CELF5: variants seen among roughly 807,000 people sequenced by gnomAD.
The protein encoded by CELF5 is CUGBP Elav-like family member 5.
Under a neutral mutation model 54.9 loss-of-function variants are expected in CELF5, and 6 were observed. The observed-to-expected ratio is 0.11, with a 90% CI of 0.06 to 0.22. The LOEUF is 0.22. CELF5 is among the 10% of genes least tolerant of loss of function. CELF5 has a pLI of 1.00. For missense variants in CELF5, 401 were observed against 678.6 expected (o/e 0.59, Z 4.54); for synonymous variants, 271 against 290.9 (o/e 0.93, Z 0.70).
chr19:3,252,225 G>A (rs960573845), intron 2 of CELF5, among the ~76,000 whole-genome samples: 3 of 151,886 alleles, frequency 2.0e-5, no homozygotes, highest in East Asian at 3.9e-4. Flanking sequence ...TTGTAGAGAC[G>A]GGGTCTCATT....
intron 12 of CELF5, chr19:3,295,131 GC>G (rs1356786924): frequency 6.6e-6 from 1 of 152,508 alleles, no homozygotes; most frequent in African/African-American, 2.4e-5. Flanking sequence ...TTGGACACCA[GC>G]CCTTTCCTCC....
Position 3,260,068 on chromosome 19 carries a change from A to G in CELF5, c.342+9001A>G, listed in dbSNP as rs769499271. On this transcript the variant is annotated intron_variant, in intron 2 of 12. Transcript: ENST00000292672. The stretch of plus-strand genomic sequence containing the variant: ...TAATAATATATTTCATTTGAACCCA[A>G]TATATCCCAATTCTTACCATTTTAA... Among the ~76,000 whole-genome samples, 64 of 152,158 alleles carry G rather than the reference A, an allele frequency of 4.2e-4. 1 individual carries two copies. Among genetic ancestry groups the G allele is most frequent in the Non-Finnish European group, 5.9e-5 (4 of 68,034 alleles).
At chr19:3,279,659 T>C (rs1267044389) in intron 5 of CELF5, among the ~76,000 whole-genome samples, 2 of 148,984 alleles carry the variant, frequency 1.3e-5, no homozygotes, top group African/African-American at 5.0e-5. Flanking sequence ...GGGTGTGGGC[T>C]GGTTTGTGAG....
intron 2 of CELF5, among the ~76,000 whole-genome samples, chr19:3,258,602 T>C (rs1200573127): frequency 2.0e-5 from 3 of 152,068 alleles, no homozygotes; most frequent in Non-Finnish European, 4.4e-5. Context: ...GATATATATA[T>C]ATACATATTT....
chr19:3,250,677 C>T (rs1050094509), intron 1 of CELF5, among the ~76,000 whole-genome samples: 3 of 152,096 alleles, frequency 2.0e-5, no homozygotes, highest in Non-Finnish European at 4.4e-5. Context: ...TACTTTCTGT[C>T]TGTGTGAATC....
chr19:3,267,979 T>G (rs1319231345), intron 2 of CELF5, among the ~76,000 whole-genome samples: 1 of 152,072 alleles, frequency 6.6e-6, no homozygotes, highest in Non-Finnish European at 1.5e-5. Context: ...AATGGGGCCC[T>G]AGAAGTAGAT....
rs1450903809 is a variant in CELF5 at position 3,285,949 on chromosome 19, C to T, written c.1110C>T (p.Tyr370=). 17 of 1,586,674 alleles carry T rather than the reference C, an allele frequency of 1.1e-5. No homozygotes were observed. Among genetic ancestry groups the T allele is most frequent in the African/African-American group, 2.8e-5 (2 of 72,364 alleles). ...TCGCTCCGGTCTCCGCAGCCATGTA[C>T]CCCACCGCGGCCATCACGCCCATCG... ...FSGVQQYTAM[Y]PTAAITPIAH... Residue 370 remains tyrosine (Y), a synonymous_variant, in exon 10 of 13, where the codon TAC becomes TAT. Transcript: ENST00000292672.
chr19:3,225,581 C>T, intron 1 of CELF5: 1 of 983,128 alleles, frequency 1.0e-6, no homozygotes, highest in South Asian at 4.7e-5. Context: ...CAGGTCCGGC[C>T]GCGGGGGACA....
intron 5 of CELF5, among the ~76,000 whole-genome samples, chr19:3,280,854 C>T (rs1455527571): frequency 2.0e-5 from 3 of 152,160 alleles, no homozygotes; most frequent in Non-Finnish European, 4.4e-5. Flanking sequence ...CTCAGGTGAG[C>T]GGAAGTCATA....
At chr19:3,249,954 A>T (rs2079625068) in intron 1 of CELF5, among the ~76,000 whole-genome samples, 1 of 151,622 alleles carries the variant, frequency 6.6e-6, no homozygotes, top group African/African-American at 2.4e-5. Context: ...CAGGGCTCTC[A>T]GCATCTCTTT....
At position 3,273,876 on chromosome 19, in the gene CELF5, C is replaced by T. The variant is rs779765913; in HGVS notation, c.347C>T (p.Ala116Val). 2 of 1,613,386 alleles carry T rather than the reference C, an allele frequency of 1.2e-6. No homozygotes were observed. Among genetic ancestry groups the T allele is most frequent in the Non-Finnish European group, 1.7e-6 (2 of 1,179,392 alleles). The change falls in exon 3 of 13, where the codon GCG becomes GTG. Residue 116 changes from alanine (A) to valine (V), a missense_variant. By Grantham distance (64) the Ala-to-Val change is moderately conservative. Transcript: ENST00000292672. ...LHEQKTLPGMARPIQVKPADS... is the reference protein window; with the variant it reads ...LHEQKTLPGMVRPIQVKPADS... ...CCCTTCCCCCTCTCTCTGCAGATGG[C>T]GCGGCCAATCCAGGTGAAGCCTGCG... is the stretch of plus-strand genomic sequence containing the variant.
At chr19:3,241,097 C>G (rs2079484561) in intron 1 of CELF5, among the ~76,000 whole-genome samples, 1 of 148,762 alleles carries the variant, frequency 6.7e-6, no homozygotes, top group African/African-American at 2.5e-5. Flanking sequence ...GAGTCTTGCT[C>G]TGTCACCAGG....
rs149838359 is a variant in CELF5, at chr19:3,236,346, G to C, written c.259+11348G>C. On this transcript the variant is annotated intron_variant, in intron 1 of 12. Transcript: ENST00000292672. ...CCTGTGTCCTTTTCAGTGCATGTGT[G>C]GCCTCGTGGTTCCCATTTGGTGGAT... 2.2e-3 allele frequency among the ~76,000 whole-genome samples: 336 copies of C among 152,260 alleles called. 1 individual carries two copies. The highest frequency in any genetic ancestry group is 6.7e-3 in the African/African-American group (279 of 41,532).
rs2080032182 is a variant in CELF5 at position 3,275,459 on chromosome 19, C to T, written c.395-397C>T. 6.6e-6 allele frequency among the ~76,000 whole-genome samples: 1 copy of T among 152,246 alleles called. No homozygotes were observed. Among genetic ancestry groups the T allele is most frequent in the Non-Finnish European group, 1.5e-5 (1 of 68,038 alleles). Reference sequence around the variant, plus strand: ...GGGAGCAGACAGAAAGACAGACAGACAGACAGACAGGGACCCAGGCCCGGC... The same window carrying T: ...GGGAGCAGACAGAAAGACAGACAGATAGACAGACAGGGACCCAGGCCCGGC... On this transcript the variant is annotated intron_variant, in intron 3 of 12. Coordinates refer to ENST00000292672, the MANE Select transcript of CELF5 (RefSeq NM_021938.4). The surrounding 1 kb of genome is among the most constrained non-coding windows in gnomAD (Gnocchi z 6.7).
At position 3,245,372 on chromosome 19, in the gene CELF5, G is replaced by A. The variant is rs371043990; in HGVS notation, c.260-5613G>A. On this transcript the variant is annotated intron_variant, in intron 1 of 12. Coordinates refer to ENST00000292672, the MANE Select transcript of CELF5 (RefSeq NM_021938.4). ...TGTGCATGCATCTGTGTGTGTGTGC[G>A]TGTGTGTGTATGCATCTGTGTGTGT... Among the ~76,000 whole-genome samples, 105 of 141,750 alleles carry A rather than the reference G, an allele frequency of 7.4e-4. 1 individual carries two copies. The East Asian group carries it at 0.012, about 16-fold the overall frequency. The allele number at this position is 141,750 out of a possible 152,430, so 93.0% of individuals were successfully genotyped here.
rs1395946528 is a variant in CELF5, at chr19:3,224,837, G to C, written c.98G>C (p.Gly33Ala). 6.3e-7 allele frequency: 1 copy of C among 1,591,158 alleles called. No homozygotes were observed. The highest frequency in any genetic ancestry group is 8.5e-7 in the Non-Finnish European group (1 of 1,170,238). ...GGCAGCAGCGGGCCCGAGCCCCCCG[G>C]GGGGCAGCCCGACGGCATGAAGGAC... ...PVGSSGPEPP[G>A]GQPDGMKDLD... Residue 33 changes from glycine to alanine, a missense_variant, in exon 1 of 13, where the codon GGG (glycine) becomes GCG (alanine). Gly to Ala is a moderately conservative substitution (Grantham distance 60, BLOSUM62 0). This residue lies in a region of CELF5 where 46 missense variants were observed against 55.0 expected (regional missense o/e 0.84). Transcript: ENST00000292672.
At chr19:3,229,211 G>A (rs1331215029) in intron 1 of CELF5, among the ~76,000 whole-genome samples, 1 of 151,814 alleles carries the variant, frequency 6.6e-6, no homozygotes, top group African/African-American at 2.4e-5. Context: ...GATGGAGTGG[G>A]CTAGATGTTA....
intron 9 of CELF5, among the ~76,000 whole-genome samples, chr19:3,285,200 A>G (rs1312287503): frequency 6.6e-6 from 1 of 151,570 alleles, no homozygotes; most frequent in Non-Finnish European, 1.5e-5. Context: ...CTTGTCCTTT[A>G]AGGACAGCGC....
At chr19:3,272,217 A>G (rs572671148) in intron 2 of CELF5, among the ~76,000 whole-genome samples, 1 of 152,086 alleles carries the variant, frequency 6.6e-6, no homozygotes, top group East Asian at 1.9e-4. Flanking sequence ...AATACAAAAA[A>G]AATTAGCTGG....
Sources: gnomAD v4.1 joint callset for allele counts (sites outside exome capture counted in the v4.1 genomes callset) on GRCh38, gnomAD v4.1.1 for gene constraint, gnomAD v4.1.1 regional missense constraint, Gnocchi (gnomAD v3.1) non-coding constraint, MANE v1.5 for transcripts, NCBI Gene and HGNC (gene_info 2026-07-23, HGNC 2026-07-21) for gene names.